The following TSPAN19 variants were observed in gnomAD, a reference collection of about 807,000 sequenced individuals.
TSPAN19 encodes the protein tetraspanin-19.
A neutral mutation model predicts 35.1 loss-of-function variants in TSPAN19; 44 were observed. The observed-to-expected ratio is 1.25, with a 90% CI of 0.98 to 1.61. The LOEUF is 1.61. Ranked by LOEUF, TSPAN19 falls within the 40% of genes most tolerant of loss-of-function variation. The probability of loss-of-function intolerance (pLI) is 0.00; values close to 1 mark genes in which losing one functional copy is unlikely to be tolerated. For missense variants in TSPAN19, 290 were observed against 280.0 expected (o/e 1.04, Z -0.26); for synonymous variants, 79 against 92.0 (o/e 0.86, Z 0.81).
intron 4 of TSPAN19, among the ~76,000 whole-genome samples, chr12:85,026,494 G>A (rs1233791628): frequency 6.6e-6 from 1 of 152,084 alleles, no homozygotes; most frequent in Admixed American, 6.5e-5. Flanking sequence ...TGGAATCCTG[G>A]CACTGCCCTG....
rs1290724193 is a variant in TSPAN19, at chr12:85,019,335, A to G, written c.450+291T>C. Among the ~76,000 whole-genome samples the G allele has an allele frequency of 2.0e-5, 3 of 151,936 alleles. No homozygotes were observed. The Admixed American group carries it at 2.0e-4, about 10-fold the overall frequency. ...AGACTACTGCTTAAACTTATCTCCC[A>G]TCAGGTGCAGCAGGATAGACTATCC... On this transcript the variant is annotated intron_variant, in intron 6 of 8. Transcript: ENST00000532498.
intron 1 of TSPAN19, among the ~76,000 whole-genome samples, chr12:85,030,963 A>T: frequency 6.6e-6 from 1 of 152,286 alleles, no homozygotes; most frequent in Middle Eastern, 3.4e-3. Flanking sequence ...TGATAGAAGC[A>T]GATTTAATAA....
intron 6 of TSPAN19, 111 bp from the exon 7 acceptor site, chr12:85,017,710 C>A: frequency 1.3e-6 from 1 of 747,454 alleles, no homozygotes; most frequent in Non-Finnish European, 2.1e-6. Context: ...TAATTTTTCC[C>A]CATGAACATG....
chr12:85,026,768 G>A (rs555118128), intron 4 of TSPAN19, among the ~76,000 whole-genome samples: 1 of 152,152 alleles, frequency 6.6e-6, no homozygotes, highest in African/African-American at 2.4e-5. Context: ...AATACTAGAT[G>A]AATAGCAGCC....
At chr12:85,035,305 A>C (rs1449057360) in intron 1 of TSPAN19, 1 of 152,128 alleles carries the variant, frequency 6.6e-6, no homozygotes, top group Non-Finnish European at 1.5e-5. Context: ...ATAAATCAGC[A>C]ATAAAACCAA....
chr12:85,034,160 G>A (rs554323944), intron 1 of TSPAN19, among the ~76,000 whole-genome samples: 103 of 152,144 alleles, frequency 6.8e-4, no homozygotes, highest in African/African-American at 2.5e-3. Flanking sequence ...ACAATATGTG[G>A]TACTATGAGC....
intron 1 of TSPAN19, among the ~76,000 whole-genome samples, chr12:85,034,613 ACCGTTT>A (rs1877840260): frequency 6.6e-6 from 1 of 152,214 alleles, no homozygotes; most frequent in Non-Finnish European, 1.5e-5. Flanking sequence ...ATCTGAAGTT[ACCGTTT>A]CTAGGAATAA....
intron 4 of TSPAN19, among the ~76,000 whole-genome samples, chr12:85,026,235 T>C: frequency 6.6e-6 from 1 of 152,262 alleles, no homozygotes; most frequent in African/African-American, 2.4e-5. Context: ...TATGGAAATT[T>C]GTGACAAGAA....
At chr12:85,026,685 A>G (rs1288737530) in intron 4 of TSPAN19, among the ~76,000 whole-genome samples, 4 of 152,132 alleles carry the variant, frequency 2.6e-5, no homozygotes, top group African/African-American at 9.7e-5. Context: ...GGAAGACTGA[A>G]GGAATGGAAC....
chr12:85,017,994 T>G lies in TSPAN19; in HGVS notation c.451-395A>C, dbSNP rs549446040. 7.9e-5 allele frequency among the ~76,000 whole-genome samples: 12 copies of G among 152,038 alleles called. No homozygotes were observed. In the South Asian group the frequency reaches 2.1e-3, roughly 26 times the overall value. Reference sequence around the variant, plus strand: ...TATTTAAAGAATATGCAGTCATAACTGTTTGGTATACCTAAAAAGAGATGC... The same window carrying G: ...TATTTAAAGAATATGCAGTCATAACGGTTTGGTATACCTAAAAAGAGATGC... On this transcript the variant is annotated intron_variant, in intron 6 of 8. Transcript: ENST00000532498.
intron 3 of TSPAN19, among the ~76,000 whole-genome samples, chr12:85,028,864 G>A (rs1441859680): frequency 6.6e-6 from 1 of 152,184 alleles, no homozygotes; most frequent in Non-Finnish European, 1.5e-5. Flanking sequence ...ACTGGGAACA[G>A]AGGCACCTAA....
At chr12:85,019,383 A>G (rs1876992538) in intron 6 of TSPAN19, among the ~76,000 whole-genome samples, 1 of 151,984 alleles carries the variant, frequency 6.6e-6, no homozygotes, top group Non-Finnish European at 1.5e-5. Context: ...GACCAGCAGC[A>G]CTTTTCCAGG....
At chr12:85,024,285 C>A (rs1193487765) in intron 4 of TSPAN19, among the ~76,000 whole-genome samples, 1 of 152,134 alleles carries the variant, frequency 6.6e-6, no homozygotes, top group Non-Finnish European at 1.5e-5. Context: ...AGCCATAAAC[C>A]TTATAAAAGC....
chr12:85,016,429 T>A (rs1274294307), intron 7 of TSPAN19: 4 of 152,038 alleles, frequency 2.6e-5, no homozygotes, highest in African/African-American at 9.7e-5. Context: ...TAACTAATAA[T>A]AAAATAGAAC....
intron 3 of TSPAN19, among the ~76,000 whole-genome samples, chr12:85,029,034 G>T (rs1877558459): frequency 6.6e-6 from 1 of 152,122 alleles, no homozygotes; most frequent in Non-Finnish European, 1.5e-5. Context: ...CAGCTTTGTT[G>T]GCACTTACAG....
At chr12:85,033,044 G>A (rs545455988) in intron 1 of TSPAN19, among the ~76,000 whole-genome samples, 1 of 152,176 alleles carries the variant, frequency 6.6e-6, no homozygotes, top group Non-Finnish European at 1.5e-5. Context: ...GAACAAGTAA[G>A]AGAATGTCAA....
intron 6 of TSPAN19, 139 bp downstream of exon 6, chr12:85,019,487 T>C: frequency 1.8e-6 from 1 of 562,036 alleles, no homozygotes; most frequent in South Asian, 2.5e-5. Flanking sequence ...GTGTGGAGAA[T>C]GCCCTTTTTG....
rs1565771868 is a variant in TSPAN19, at chr12:85,034,729, C to T, written c.-28+1475G>A. On this transcript the variant is annotated intron_variant, in intron 1 of 8. Transcript: ENST00000532498. ...CTACAAATGTATTAGATAACTGCTGCCTTTTATTTTTGATTAGTTATATTC... is the reference window on the plus strand; with the variant it reads ...CTACAAATGTATTAGATAACTGCTGTCTTTTATTTTTGATTAGTTATATTC... Among the ~76,000 whole-genome samples the T allele has an allele frequency of 2.0e-5, 3 of 152,200 alleles. No homozygotes were observed. The East Asian group carries it at 5.8e-4, about 29-fold the overall frequency.
At chr12:85,029,425 T>C (rs911232118) in intron 3 of TSPAN19, among the ~76,000 whole-genome samples, 8 of 152,150 alleles carry the variant, frequency 5.3e-5, no homozygotes, top group African/African-American at 1.9e-4. Flanking sequence ...ATATGTATCA[T>C]TTTTGTGTGT....
Sources: allele counts gnomAD v4.1 joint callset (sites outside exome capture counted in the v4.1 genomes callset), GRCh38; gene constraint gnomAD v4.1.1; transcripts MANE v1.5; gene names NCBI Gene and HGNC (gene_info 2026-07-23, HGNC 2026-07-21).